The following URB1 variants were observed in gnomAD, a reference collection of about 807,000 sequenced individuals.
The protein encoded by URB1 is nucleolar pre-ribosomal-associated protein 1.
In URB1, 197 loss-of-function variants were observed where a neutral mutation model predicts 242.3. The ratio of observed to expected loss-of-function variants is 0.81; its 90% CI spans 0.72 to 0.91. The LOEUF is 0.91. URB1 is among the 40% of genes least tolerant of loss of function. The probability of loss-of-function intolerance (pLI) is 0.00; values close to 1 mark genes in which losing one functional copy is unlikely to be tolerated. For synonymous variants in URB1, 1,153 were observed against 1,201.8 expected (o/e 0.96, Z 0.84); for missense variants, 2,721 against 2,860.5 (o/e 0.95, Z 1.11).
chr21:32,382,709 AT>A (rs2033539900), intron 4 of URB1, among the ~76,000 whole-genome samples: 2 of 152,084 alleles, frequency 1.3e-5, no homozygotes, highest in Non-Finnish European at 2.9e-5. Flanking sequence ...AGGGGAGCTG[AT>A]ATGGCAACCA....
chr21:32,349,327 A>T lies in URB1; in HGVS notation c.2989T>A (p.Ser997Thr). 6.5e-7 allele frequency: 1 copy of T among 1,547,550 alleles called. No individual in the cohort carries two copies. Among genetic ancestry groups the T allele is most frequent in the Non-Finnish European group, 8.7e-7 (1 of 1,145,080 alleles). The change falls in exon 21 of 39, where the codon TCG becomes ACG. Residue 997 changes from serine (S) to threonine (T), a missense_variant. Physicochemically the swap from Ser to Thr is moderately conservative, Grantham distance 58. Transcript: ENST00000382751. ...DLFLDMESVA[S>T]LELANDQTLE... Reference sequence around the variant, plus strand: ...ACCTGATCATTGGCCAACTCCAGCGAGGCCACGGACTCCATGTCCAGGAAG... The same window carrying T: ...ACCTGATCATTGGCCAACTCCAGCGTGGCCACGGACTCCATGTCCAGGAAG...
At chr21:32,390,331 C>A (rs943722895) in intron 1 of URB1, among the ~76,000 whole-genome samples, 5 of 152,194 alleles carry the variant, frequency 3.3e-5, no homozygotes, top group African/African-American at 1.2e-4. Context: ...CTGTCCCTGT[C>A]CCATCCTACA....
In URB1 at chr21:32,379,002, G is replaced by T. The variant is rs949993897; in HGVS notation, c.568-461C>A. The stretch of plus-strand genomic sequence containing the variant: ...TGAGACACCAATGTGGTGATGTCTG[G>T]TTTTTATGAGATATTATAAATAACT... On this transcript the variant is annotated intron_variant, in intron 4 of 38. Transcript: ENST00000382751. 1.6e-4 allele frequency among the ~76,000 whole-genome samples: 24 copies of T among 152,204 alleles called. 1 individual carries two copies. Among genetic ancestry groups the T allele is most frequent in the Admixed American group, 9.8e-4 (15 of 15,278 alleles).
intron 28 of URB1, among the ~76,000 whole-genome samples, chr21:32,336,500 C>G (rs1177045469): frequency 1.3e-5 from 2 of 152,158 alleles, no homozygotes; most frequent in African/African-American, 4.8e-5. Flanking sequence ...CACATTTGAT[C>G]AAGCTCCTGC....
intron 4 of URB1, among the ~76,000 whole-genome samples, chr21:32,379,716 A>C (rs2033500816): frequency 6.6e-6 from 1 of 152,204 alleles, no homozygotes; most frequent in Admixed American, 6.5e-5. Context: ...TCAGCCGGAC[A>C]CGGTGGCTCA....
chr21:32,389,005 G>A (rs1322082641), intron 1 of URB1, among the ~76,000 whole-genome samples: 1 of 152,128 alleles, frequency 6.6e-6, no homozygotes, highest in Non-Finnish European at 1.5e-5. Context: ...TATTTATTAA[G>A]CACCTACCGC....
At position 32,316,449 on chromosome 21, in the gene URB1, A is replaced by G; in HGVS notation, c.6634+17T>C. 6.8e-7 allele frequency: 1 copy of G among 1,474,698 alleles called. No homozygotes were observed. Among genetic ancestry groups the G allele is most frequent in the Non-Finnish European group, 9.0e-7 (1 of 1,110,732 alleles). 91.4% of individuals were successfully genotyped at this position (1,474,698 alleles called of 1,614,324 possible). On this transcript the variant is annotated intron_variant, in intron 38 of 38. Coordinates refer to ENST00000382751, the MANE Select transcript of URB1 (RefSeq NM_014825.3). ...TGCATCTATTTCTTCAGCCTCCAAC[A>G]AAAGAACCAGCCTTACCTTGTGTGG...
Position 32,357,603 on chromosome 21 carries a change from T to C in URB1, c.1923A>G (p.Leu641=). The change falls in exon 15 of 39, where the codon CTA becomes CTG. Residue 641 remains leucine (L), a synonymous_variant. Coordinates refer to ENST00000382751, the MANE Select transcript of URB1 (RefSeq NM_014825.3). The stretch of plus-strand genomic sequence containing the variant: ...GGCTACTGGTCACAAACATTTTCAT[T>C]AGTAAGTAAAATACTGATCGTTCAC... ...IGGERSVFYL[L]MKMFVTSSHL... The C allele has an allele frequency of 6.5e-7, 1 of 1,536,850 alleles. No homozygotes were observed. The highest frequency in any genetic ancestry group is 8.8e-7 in the Non-Finnish European group (1 of 1,142,476).
At chr21:32,376,350 A>G (rs2033458802) in intron 5 of URB1, among the ~76,000 whole-genome samples, 1 of 152,216 alleles carries the variant, frequency 6.6e-6, no homozygotes, top group African/African-American at 2.4e-5. Flanking sequence ...CAGCAAAACA[A>G]TTACAAATTT....
chr21:32,392,787 G>A lies in URB1; in HGVS notation c.124C>T (p.Pro42Ser). The change falls in exon 1 of 39, where the codon CCG becomes TCG. Residue 42 changes from proline to serine, a missense_variant. Transcript: ENST00000382751. ...GACTCACCTGGCCCGGGGCCCTGCGGGTCCTTCAGCTGAGCCTTGAACCGC... is the reference window on the plus strand; with the variant it reads ...GACTCACCTGGCCCGGGGCCCTGCGAGTCCTTCAGCTGAGCCTTGAACCGC... ...GVRFKAQLKD[P>S]QGPGPGLEAF... The A allele has an allele frequency of 1.9e-5, 28 of 1,491,972 alleles. No homozygotes were observed. Among genetic ancestry groups the A allele is most frequent in the Non-Finnish European group, 2.4e-5 (27 of 1,120,760 alleles). 92.4% of individuals were successfully genotyped at this position (1,491,972 alleles called of 1,614,324 possible). A position where few individuals can be genotyped will look rare whatever the true frequency, so the allele number is the denominator to read the frequency against.
intron 8 of URB1, among the ~76,000 whole-genome samples, chr21:32,370,462 C>T (rs1568828462): frequency 6.6e-6 from 1 of 152,158 alleles, no homozygotes; most frequent in African/African-American, 2.4e-5. Flanking sequence ...ACTACACATG[C>T]TTTATTTTAA....
chr21:32,344,577 G>C lies in URB1; in HGVS notation c.4250C>G (p.Ala1417Gly). 2 of 1,551,960 alleles carry C rather than the reference G, an allele frequency of 1.3e-6. No homozygotes were observed. Among genetic ancestry groups the C allele is most frequent in the Non-Finnish European group, 1.7e-6 (2 of 1,147,030 alleles). Residue 1417 changes from alanine (A) to glycine (G), a missense_variant, in exon 24 of 39, where the codon GCG becomes GGG. Physicochemically the swap from Ala to Gly is moderately conservative, Grantham distance 60. Transcript: ENST00000382751. ...CTAAGAAAAGACACTTACCAACAAC[G>C]CATTTAATCTAAGCAGCATTTCCTT... ...QEKEMLLRLN[A>G]LLHALNEVDP...
At chr21:32,317,190 C>A in intron 37 of URB1, 125 bp from the exon 38 acceptor site, 1 of 1,339,490 alleles carries the variant, frequency 7.5e-7, no homozygotes, top group Non-Finnish European at 9.9e-7. Context: ...CCCGGCCCTG[C>A]TCCCACGTCA....
intron 24 of URB1, among the ~76,000 whole-genome samples, chr21:32,343,119 A>C (rs2033048727): frequency 6.6e-6 from 1 of 152,168 alleles, no homozygotes; most frequent in Non-Finnish European, 1.5e-5. Context: ...ACACACAGAT[A>C]TATAACAAGG....
intron 24 of URB1, 142 bp from the exon 25 acceptor site, chr21:32,341,666 G>T: frequency 2.9e-6 from 2 of 701,056 alleles, no homozygotes; most frequent in African/African-American, 1.8e-5. Context: ...TCAAAGGGTT[G>T]AAAAGAGGAG....
At chr21:32,353,495 T>C (rs1372945139) in intron 18 of URB1, among the ~76,000 whole-genome samples, 6 of 152,148 alleles carry the variant, frequency 3.9e-5, no homozygotes, top group African/African-American at 1.4e-4. Flanking sequence ...TACTGACAAG[T>C]CAGGGCTTAT....
rs1337670760 is a variant in URB1, at chr21:32,345,454, G to A, written c.3990C>T (p.Val1330=). 18 of 1,551,482 alleles carry A rather than the reference G, an allele frequency of 1.2e-5. No individual in the cohort carries two copies. Among genetic ancestry groups the A allele is most frequent in the South Asian group, 9.5e-5 (8 of 84,044 alleles). The change falls in exon 23 of 39, where the codon GTC becomes GTT. Residue 1330 remains valine (V), a synonymous_variant. Transcript: ENST00000382751. ...GLYQEILAQL[V]PFARAKDLSV... ...TGAGATCCTTGGCTCGTGCAAACGG[G>A]ACCAGCTGTGCCAGGATCTCCTGGT... is the stretch of plus-strand genomic sequence containing the variant.
At chr21:32,344,119 G>A (rs960687675) in intron 24 of URB1, among the ~76,000 whole-genome samples, 19 of 152,236 alleles carry the variant, frequency 1.2e-4, no homozygotes, top group African/African-American at 4.3e-4. Context: ...GACATTGCAG[G>A]AAAATAAAAT....
At chr21:32,315,158 T>A in intron 38 of URB1, 59 bp from the exon 39 acceptor site, 1 of 1,430,540 alleles carries the variant, frequency 7.0e-7, no homozygotes, top group Non-Finnish European at 9.2e-7. Context: ...CGAAAACAGG[T>A]CATCCTGCCC....
Sources: gnomAD v4.1 joint callset for allele counts (sites outside exome capture counted in the v4.1 genomes callset) on GRCh38, gnomAD v4.1.1 for gene constraint, MANE v1.5 for transcripts, NCBI Gene and HGNC (gene_info 2026-07-23, HGNC 2026-07-21) for gene names.